The following TNK2 variants were observed in gnomAD, a reference collection of about 807,000 sequenced individuals.
The protein encoded by TNK2 is activated CDC42 kinase 1.
Under a neutral mutation model 101.8 loss-of-function variants are expected in TNK2, and 83 were observed. That is an observed-to-expected ratio of 0.82 (90% confidence interval 0.68 to 0.98). The LOEUF (loss-of-function observed/expected upper bound fraction) is 0.98, where lower values mean the gene tolerates loss of function less well. Ranked by LOEUF, TNK2 falls within the 50% of genes least tolerant of loss-of-function variation. TNK2 has a pLI of 0.00. For missense variants in TNK2, 1,665 were observed against 1,483.2 expected, an observed-to-expected ratio of 1.12 and a Z score of -2.01; for synonymous variants, 804 against 633.0, an observed-to-expected ratio of 1.27 and a Z score of -4.06.
At position 195,895,463 on chromosome 3, in the gene TNK2, C is replaced by T. The variant is rs374337111; in HGVS notation, c.-18-6857G>A. On this transcript the variant is annotated intron_variant, in intron 1 of 15. Transcript: ENST00000672887. ...TACTGCGTCTCAGCCCCCATAGCCT[C>T]ATCCGCCATCGGCCGGCGGCCGGGT... The T allele has an allele frequency of 1.3e-4, 183 of 1,396,654 alleles. No homozygotes were observed. The African/African-American group carries it at 2.4e-3, about 18-fold the overall frequency. The allele number at this position is 1,396,654 out of a possible 1,614,324, so 86.5% of individuals were successfully genotyped here.
intron 10 of TNK2, among the ~76,000 whole-genome samples, chr3:195,871,881 G>A (rs1172336128): frequency 1.3e-5 from 2 of 152,168 alleles, no homozygotes; most frequent in South Asian, 2.1e-4. Context: ...AAAATGGCAG[G>A]GACAGCATTC....
In TNK2 at chr3:195,885,331, C is replaced by T. The variant is rs1755125885; in HGVS notation, c.235-298G>A. The T allele has an allele frequency of 7.2e-7, 1 of 1,389,518 alleles. No individual in the cohort carries two copies. The highest frequency in any genetic ancestry group is 1.4e-5 in the African/African-American group (1 of 69,618). 86.1% of individuals were successfully genotyped at this position (1,389,518 alleles called of 1,614,324 possible). A position where few individuals can be genotyped will look rare whatever the true frequency, so the allele number is the denominator to read the frequency against. On this transcript the variant is annotated intron_variant, in intron 3 of 15. Transcript: ENST00000672887. This position sits in a 1 kb window ranked among gnomAD's most constrained non-coding sequence, Gnocchi z 4.7. Reference sequence around the variant, plus strand: ...AGCTGTGTGGAGAGGGAGGGCACCGCCCAGCCAAGGTCGGAGTCTCCTCCC... The same window carrying T: ...AGCTGTGTGGAGAGGGAGGGCACCGTCCAGCCAAGGTCGGAGTCTCCTCCC...
chr3:195,867,020 G>A lies in TNK2; in HGVS notation c.3034-4C>T. 1 of 1,613,014 alleles carries A rather than the reference G, an allele frequency of 6.2e-7. No individual in the cohort carries two copies. The highest frequency in any genetic ancestry group is 8.5e-7 in the Non-Finnish European group (1 of 1,179,842). ...CCAGCCCGAAGAGCTGCTCCACCTG[G>A]GGGTAAGGGTGGCGCCATGGACACG... On this transcript the variant is annotated splice_region_variant and splice_polypyrimidine_tract_variant and intron_variant, in intron 14 of 15. Transcript: ENST00000672887.
chr3:195,881,787 G>T (rs187792283), intron 6 of TNK2, among the ~76,000 whole-genome samples: 1 of 147,880 alleles, frequency 6.8e-6, no homozygotes, highest in East Asian at 2.0e-4. Context: ...ATCTATCCCC[G>T]TATCACCCCA....
intron 9 of TNK2, among the ~76,000 whole-genome samples, chr3:195,877,949 G>A (rs985280374): frequency 1.3e-5 from 2 of 152,100 alleles, no homozygotes; most frequent in African/African-American, 4.8e-5. Context: ...AAGCACGGGA[G>A]TCCAGAACTC....
chr3:195,901,964 GT>G (rs2149856605), intron 1 of TNK2, among the ~76,000 whole-genome samples: 1 of 152,338 alleles, frequency 6.6e-6, no homozygotes, highest in Admixed American at 6.5e-5. Context: ...CTGTGAGGAA[GT>G]CTGAAGAAGG....
rs371067627 is a variant in TNK2 at position 195,878,204 on chromosome 3, T to A, written c.1256+49A>T. 3.8e-6 allele frequency: 6 copies of A among 1,589,212 alleles called. No homozygotes were observed. The highest frequency in any genetic ancestry group is 5.2e-6 in the Non-Finnish European group (6 of 1,157,756). The stretch of plus-strand genomic sequence containing the variant: ...GATCTGTCCACAGGTCCCTCCGACC[T>A]GTGCCCTTCAAGCGATCCCAGGGCG... On this transcript the variant is annotated intron_variant, in intron 9 of 15. Coordinates refer to ENST00000672887, the MANE Select transcript of TNK2 (RefSeq NM_001382273.1). This position sits in a 1 kb window ranked among gnomAD's most constrained non-coding sequence, Gnocchi z 4.7.
intron 9 of TNK2, chr3:195,876,801 G>A (rs1387605169): frequency 7.4e-5 from 27 of 362,436 alleles, no homozygotes; most frequent in African/African-American, 2.8e-4. Context: ...AGCCGCTCCC[G>A]GCCCCTCCCA....
Position 195,864,193 on chromosome 3 carries a change from G to A in TNK2, c.3162-6C>T. On this transcript the variant is annotated splice_polypyrimidine_tract_variant and splice_region_variant and intron_variant, in intron 15 of 15. Transcript: ENST00000672887. ...CTCCAGACGCATCTCAGCGCCTAGA[G>A]AATGGGAAACCACCAGCACAGTTAA... 1 of 1,613,986 alleles carries A rather than the reference G, an allele frequency of 6.2e-7. No individual in the cohort carries two copies. Among genetic ancestry groups the A allele is most frequent in the South Asian group, 1.1e-5 (1 of 91,082 alleles).
chr3:195,892,788 C>T, intron 1 of TNK2: 1 of 1,158,852 alleles, frequency 8.6e-7, no homozygotes, highest in Non-Finnish European at 1.1e-6. Flanking sequence ...ACCCAACTGC[C>T]CGCCCGGCCG....
At chr3:195,895,084 C>T (rs562268223) in intron 1 of TNK2, among the ~76,000 whole-genome samples, 48 of 152,296 alleles carry the variant, frequency 3.2e-4, no homozygotes, top group Middle Eastern at 3.4e-3. Flanking sequence ...ACTAAGTCAC[C>T]ACCGCCACAC....
Position 195,888,418 on chromosome 3 carries a change from C to G in TNK2, c.163+8G>C. 6.2e-7 allele frequency: 1 copy of G among 1,611,508 alleles called. No homozygotes were observed. On this transcript the variant is annotated splice_region_variant and intron_variant, in intron 2 of 15. Coordinates refer to ENST00000672887, the MANE Select transcript of TNK2 (RefSeq NM_001382273.1). This position sits in a 1 kb window ranked among gnomAD's most constrained non-coding sequence, Gnocchi z 5.3. ...GGGCAAGACAAGCCAGGCCAACATC[C>G]CACCTACCAGGCCGACCCATGCCGA...
At position 195,903,275 on chromosome 3, in the gene TNK2, C is replaced by T. The variant is rs567219817; in HGVS notation, c.-19+5210G>A. On this transcript the variant is annotated intron_variant, in intron 1 of 15. Coordinates refer to ENST00000672887, the MANE Select transcript of TNK2 (RefSeq NM_001382273.1). ...CAGGATGGTCTCAATCTCCTGACCT[C>T]GTGATCTGCACATCTCGGCCTCCCA... Among the ~76,000 whole-genome samples the T allele has an allele frequency of 5.8e-5, 8 of 138,068 alleles. No individual in the cohort carries two copies. The East Asian group carries it at 1.2e-3, about 20-fold the overall frequency. The allele number at this position is 138,068 out of a possible 152,430, so 90.6% of individuals were successfully genotyped here. A position where few individuals can be genotyped will look rare whatever the true frequency, so the allele number is the denominator to read the frequency against.
At chr3:195,897,757 C>T (rs528067665) in intron 1 of TNK2, among the ~76,000 whole-genome samples, 89 of 151,940 alleles carry the variant, frequency 5.9e-4, no homozygotes, top group African/African-American at 2.1e-3. Context: ...CAGCCTTGCT[C>T]TCTCAAAGTG....
At chr3:195,890,192 T>C (rs1038103777) in intron 1 of TNK2, among the ~76,000 whole-genome samples, 3 of 152,240 alleles carry the variant, frequency 2.0e-5, no homozygotes, top group African/African-American at 7.2e-5. Context: ...CTTAAAGCTG[T>C]AACCCTTTAC....
chr3:195,892,403 C>T, intron 1 of TNK2: 2 of 1,529,046 alleles, frequency 1.3e-6, no homozygotes, highest in Admixed American at 2.0e-5. Context: ...CCCCTGCCCC[C>T]CACTCACTGT....
intron 1 of TNK2, among the ~76,000 whole-genome samples, chr3:195,904,414 G>A (rs1481599227): frequency 6.6e-6 from 1 of 152,160 alleles, no homozygotes; most frequent in Non-Finnish European, 1.5e-5. Flanking sequence ...GCTAGGCCGA[G>A]GTGAAATAAG....
intron 1 of TNK2, among the ~76,000 whole-genome samples, chr3:195,902,246 C>T (rs2149858357): frequency 6.6e-6 from 1 of 152,236 alleles, no homozygotes; most frequent in Middle Eastern, 3.4e-3. Context: ...GAACTGGCAG[C>T]CCCGGAAACC....
At position 195,875,660 on chromosome 3, in the gene TNK2, C is replaced by G. The variant is rs532904272; in HGVS notation, c.1256+2593G>C. ...TCCAGGCCCGCCCTGTCCGCGCCCT[C>G]TCTCTCCCGCCATGAACAGGCCGGA... On this transcript the variant is annotated intron_variant, in intron 9 of 15. Coordinates refer to ENST00000672887, the MANE Select transcript of TNK2 (RefSeq NM_001382273.1). Among the ~76,000 whole-genome samples the G allele has an allele frequency of 0.019, 683 of 35,586 alleles. 7 individuals are homozygous for G. In the African/African-American group the frequency reaches 0.22, roughly 11 times the overall value. 23.3% of individuals were successfully genotyped at this position (35,586 alleles called of 152,430 possible).
Sources: allele counts gnomAD v4.1 joint callset (sites outside exome capture counted in the v4.1 genomes callset), GRCh38; gene constraint gnomAD v4.1.1; non-coding constraint Gnocchi (gnomAD v3.1); transcripts MANE v1.5; gene names NCBI Gene and HGNC (gene_info 2026-07-23, HGNC 2026-07-21).